RGS6: variants seen among roughly 807,000 people sequenced by gnomAD.
RGS6 encodes regulator of G-protein signaling 6.
RGS6 carries 30 observed loss-of-function variants against 78.5 expected under a neutral mutation model. The observed-to-expected ratio is 0.38, with a 90% CI of 0.29 to 0.52. The LOEUF (loss-of-function observed/expected upper bound fraction) is 0.52, where lower values mean the gene tolerates loss of function less well. Ranked by LOEUF, RGS6 falls within the 20% of genes least tolerant of loss-of-function variation. RGS6 has a pLI of 0.85. For synonymous variants in RGS6, 206 were observed against 206.0 expected, an observed-to-expected ratio of 1.00 and a Z score of 0.00; for missense variants, 495 against 609.7, an observed-to-expected ratio of 0.81 and a Z score of 1.98.
At chr14:72,391,778 G>A (rs934679569) in intron 3 of RGS6, among the ~76,000 whole-genome samples, 1 of 152,120 alleles carries the variant, frequency 6.6e-6, no homozygotes, top group African/African-American at 2.4e-5. Context: ...GCCCTGGTGT[G>A]TGATGTTCCC....
intron 12 of RGS6, 78 bp from the exon 13 acceptor site, chr14:72,495,074 A>G: frequency 2.3e-6 from 2 of 869,068 alleles, no homozygotes; most frequent in Non-Finnish European, 4.0e-6. Flanking sequence ...GAAGACTGCT[A>G]TAATGTTTGT....
chr14:72,616,984 A>G, the RGS6 span, among the ~76,000 whole-genome samples: 1 of 152,240 alleles, frequency 6.6e-6, no homozygotes, highest in East Asian at 1.9e-4. Flanking sequence ...GGGAGTAATG[A>G]AGCTGAGAGG....
chr14:72,289,347 C>G (rs1360180014), intron 2 of RGS6, among the ~76,000 whole-genome samples: 1 of 151,736 alleles, frequency 6.6e-6, no homozygotes, highest in Non-Finnish European at 1.5e-5. Context: ...CTCTCTCTCT[C>G]TCACTCTCTC....
chr14:72,199,574 G>A (rs544708234), intron 2 of RGS6, among the ~76,000 whole-genome samples: 29 of 152,300 alleles, frequency 1.9e-4, no homozygotes, highest in African/African-American at 6.5e-4. Flanking sequence ...AATTTAAGTG[G>A]CATGAGCTCA....
chr14:72,285,544 G>C (rs984006103), intron 2 of RGS6, among the ~76,000 whole-genome samples: 3 of 152,218 alleles, frequency 2.0e-5, no homozygotes, highest in Admixed American at 6.5e-5. Context: ...ACCCAGTCTT[G>C]TGTATGTCTT....
intron 2 of RGS6, among the ~76,000 whole-genome samples, chr14:71,977,645 A>T (rs899144278): frequency 2.0e-5 from 3 of 150,178 alleles, no homozygotes; most frequent in African/African-American, 7.4e-5. Flanking sequence ...TACCAGTACC[A>T]TGCTGTTTTG....
rs375044732 is a variant in RGS6, at chr14:72,301,177, C to G, written c.85-50918C>G. Reference sequence around the variant, plus strand: ...CAGAAAGAACAGTATCAACATGTACCGAGCAGGGGAAACAATATAGGAAAG... The same window carrying G: ...CAGAAAGAACAGTATCAACATGTACGGAGCAGGGGAAACAATATAGGAAAG... On this transcript the variant is annotated intron_variant, in intron 2 of 17. Transcript: ENST00000553525. 2.8e-4 allele frequency among the ~76,000 whole-genome samples: 42 copies of G among 152,200 alleles called. No homozygotes were observed. In the East Asian group the frequency reaches 7.3e-3, roughly 27 times the overall value.
chr14:72,104,179 G>C (rs1230737744), intron 2 of RGS6, among the ~76,000 whole-genome samples: 2 of 151,972 alleles, frequency 1.3e-5, no homozygotes, highest in African/African-American at 4.8e-5. Context: ...GCCTCCCATG[G>C]GCGCCCCCGG....
intron 2 of RGS6, among the ~76,000 whole-genome samples, chr14:72,034,134 G>A (rs1166061667): frequency 1.3e-5 from 2 of 152,146 alleles, no homozygotes; most frequent in Non-Finnish European, 2.9e-5. Flanking sequence ...TGTGTGAAGA[G>A]AGATAATTTT....
intron 2 of RGS6, among the ~76,000 whole-genome samples, chr14:72,019,031 A>C (rs11158929): frequency 0.91 from 137,748 of 152,114 alleles, 62,597 homozygotes; most frequent in East Asian, 0.98. Context: ...GATAAAACCC[A>C]AATAAAACAA....
chr14:72,313,891 T>A (rs541687298), intron 2 of RGS6, among the ~76,000 whole-genome samples: 1 of 152,334 alleles, frequency 6.6e-6, no homozygotes, highest in South Asian at 2.1e-4. Context: ...TGAGGCAGAT[T>A]AGTTGTAAAA....
At chr14:72,244,888 G>A (rs574302644) in intron 2 of RGS6, among the ~76,000 whole-genome samples, 10 of 151,374 alleles carry the variant, frequency 6.6e-5, no homozygotes, top group African/African-American at 1.5e-4. Context: ...GCAATGGCAC[G>A]ATCTCAGCTC....
chr14:72,207,464 C>T (rs927094084), intron 2 of RGS6, among the ~76,000 whole-genome samples: 1 of 152,128 alleles, frequency 6.6e-6, no homozygotes, highest in African/African-American at 2.4e-5. Context: ...GATTGTCCAC[C>T]CTTTATGCCT....
At chr14:72,096,830 T>C (rs939691076) in intron 2 of RGS6, among the ~76,000 whole-genome samples, 3 of 152,194 alleles carry the variant, frequency 2.0e-5, no homozygotes, top group Admixed American at 1.3e-4. Flanking sequence ...AGGGGCAAGT[T>C]CCCAAGGACG....
At chr14:71,981,929 A>T (rs896765302) in intron 2 of RGS6, among the ~76,000 whole-genome samples, 2 of 151,060 alleles carry the variant, frequency 1.3e-5, no homozygotes, top group African/African-American at 4.9e-5. Context: ...TGTGCTAGCC[A>T]TCAGCGAGAC....
the RGS6 span, chr14:72,594,789 C>A: frequency 6.6e-6 from 1 of 152,168 alleles, no homozygotes; most frequent in Non-Finnish European, 1.5e-5. Flanking sequence ...CAAATGTAAC[C>A]AGAGTCATCC....
intron 1 of RGS6, among the ~76,000 whole-genome samples, chr14:71,939,454 A>T (rs547286015): frequency 1.2e-4 from 18 of 152,370 alleles, no homozygotes; most frequent in Non-Finnish European, 2.1e-4. Flanking sequence ...GCAAAAAGTG[A>T]TCAAGGTCTC....
At chr14:72,378,662 AG>A (rs1188047221) in intron 3 of RGS6, among the ~76,000 whole-genome samples, 1 of 152,172 alleles carries the variant, frequency 6.6e-6, no homozygotes, top group African/African-American at 2.4e-5. Flanking sequence ...AAACCTGAAT[AG>A]GTCAATAACA....
At chr14:72,035,322 G>A (rs571036650) in intron 2 of RGS6, among the ~76,000 whole-genome samples, 3 of 151,508 alleles carry the variant, frequency 2.0e-5, no homozygotes, top group African/African-American at 7.3e-5. Flanking sequence ...TTTTTATTTG[G>A]ACATCAGGTA....
Sources: allele counts gnomAD v4.1 joint callset (sites outside exome capture counted in the v4.1 genomes callset), GRCh38; gene constraint gnomAD v4.1.1; transcripts MANE v1.5; gene names NCBI Gene and HGNC (gene_info 2026-07-23, HGNC 2026-07-21).